The following ALG8 variants were observed in gnomAD, a reference collection of about 807,000 sequenced individuals.
ALG8 encodes the protein dolichyl pyrophosphate Glc1Man9GlcNAc2 alpha-1,3-glucosyltransferase.
In ALG8, 48 loss-of-function variants were observed where a neutral mutation model predicts 70.2. The ratio of observed to expected loss-of-function variants is 0.68; its 90% CI spans 0.54 to 0.87. The LOEUF (loss-of-function observed/expected upper bound fraction) is 0.87. ALG8 is among the 40% of genes least tolerant of loss of function. ALG8 has a pLI of 0.00. For synonymous variants in ALG8, 234 were observed against 229.0 expected, an observed-to-expected ratio of 1.02 and a Z score of -0.20; for missense variants, 572 against 608.7, an observed-to-expected ratio of 0.94 and a Z score of 0.64.
chr11:78,124,306 A>T (rs1860966844), intron 2 of ALG8, 92 bp from the exon 3 acceptor site: 2 of 1,314,960 alleles, frequency 1.5e-6, no homozygotes, highest in South Asian at 2.4e-5. Flanking sequence ...TCTGGTCTTT[A>T]AAACAGCACA....
intron 10 of ALG8, among the ~76,000 whole-genome samples, chr11:78,104,781 T>C (rs1182920854): frequency 2.6e-5 from 4 of 152,092 alleles, no homozygotes; most frequent in African/African-American, 9.7e-5. Flanking sequence ...CTGGCCAACA[T>C]GGTGAAACCC....
chr11:78,116,722 A>C (rs1218804747), intron 5 of ALG8, among the ~76,000 whole-genome samples: 2 of 151,912 alleles, frequency 1.3e-5, no homozygotes, highest in Non-Finnish European at 2.9e-5. Context: ...GTTGTCTTCA[A>C]AAAAAAAGAA....
chr11:78,128,405 C>T (rs1861170443), intron 1 of ALG8, among the ~76,000 whole-genome samples: 1 of 152,164 alleles, frequency 6.6e-6, no homozygotes, highest in African/African-American at 2.4e-5. Flanking sequence ...TTTTACACAA[C>T]CTTTCCACAA....
In ALG8 at chr11:78,128,758, G is replaced by A. The variant is rs374256524; in HGVS notation, c.96-1322C>T. Reference sequence around the variant, plus strand: ...CCCAAGTAGCTGGGACTACAGGTGCGCGGCACCACGCCTGGCTAATTTTTT... The same window carrying A: ...CCCAAGTAGCTGGGACTACAGGTGCACGGCACCACGCCTGGCTAATTTTTT... On this transcript the variant is annotated intron_variant, in intron 1 of 12. Transcript: ENST00000299626. 1.6e-4 allele frequency among the ~76,000 whole-genome samples: 25 copies of A among 151,900 alleles called. No homozygotes were observed. In the East Asian group the frequency reaches 4.5e-3, roughly 27 times the overall value.
At chr11:78,133,146 A>T (rs1482855944) in intron 1 of ALG8, among the ~76,000 whole-genome samples, 3 of 152,054 alleles carry the variant, frequency 2.0e-5, no homozygotes, top group Admixed American at 1.3e-4. Flanking sequence ...CTTCTTCCTA[A>T]TACTTAATCC....
At chr11:78,132,926 T>A (rs1230356603) in intron 1 of ALG8, among the ~76,000 whole-genome samples, 1 of 150,494 alleles carries the variant, frequency 6.6e-6, no homozygotes, top group Non-Finnish European at 1.5e-5. Flanking sequence ...AAGCTCCGCC[T>A]TCCGGGTTCA....
chr11:78,115,358 A>G (rs142709645), intron 5 of ALG8, among the ~76,000 whole-genome samples: 3 of 152,028 alleles, frequency 2.0e-5, no homozygotes, highest in East Asian at 1.9e-4. Context: ...TATAACCAGT[A>G]TAAGGAAAAC....
chr11:78,112,764 G>C lies in ALG8; in HGVS notation c.784C>G (p.Leu262Val). 6.2e-7 allele frequency: 1 copy of C among 1,613,606 alleles called. No homozygotes were observed. Among genetic ancestry groups the C allele is most frequent in the Middle Eastern group, 1.6e-4 (1 of 6,062 alleles). ...AAGAGTCGGGAAAAGACTTGAGGCA[G>C]CTGATTCTGTTGAAAAGAGAAATGA... ...SLGPFLALNQ[L>V]PQVFSRLFPF... Residue 262 changes from leucine (L) to valine (V), a missense_variant, in exon 8 of 13, where the codon CTG (leucine) becomes GTG (valine). Coordinates refer to ENST00000299626, the MANE Select transcript of ALG8 (RefSeq NM_024079.5).
intron 12 of ALG8, 110 bp from the exon 13 acceptor site, chr11:78,101,305 A>G: frequency 2.3e-6 from 2 of 887,418 alleles, no homozygotes; most frequent in Non-Finnish European, 3.6e-6. Flanking sequence ...CAATTATTAT[A>G]GCCAAGGCCA....
chr11:78,105,292 A>T (rs1859967549), intron 10 of ALG8, among the ~76,000 whole-genome samples: 1 of 152,230 alleles, frequency 6.6e-6, no homozygotes, highest in African/African-American at 2.4e-5. Flanking sequence ...ATTCAAGAAA[A>T]ATATAAAGAA....
chr11:78,121,021 C>T (rs771172816), intron 4 of ALG8, 44 bp downstream of exon 4: 13 of 1,451,992 alleles, frequency 9.0e-6, no homozygotes, highest in Non-Finnish European at 1.3e-5. Flanking sequence ...TATTAGTATA[C>T]ATCAGAATTA....
chr11:78,104,963 C>T (rs1294498775), intron 10 of ALG8, among the ~76,000 whole-genome samples: 4 of 104,222 alleles, frequency 3.8e-5, no homozygotes, highest in Non-Finnish European at 8.1e-5. Context: ...GACTCTGTCT[C>T]AAAAAAAAAA....
intron 9 of ALG8, among the ~76,000 whole-genome samples, 155 bp from the exon 10 acceptor site, chr11:78,107,101 C>T (rs1329424995): frequency 6.6e-6 from 1 of 151,398 alleles, no homozygotes; most frequent in African/African-American, 2.4e-5. Flanking sequence ...TGTGCACAGT[C>T]TAACAAAAGT....
intron 8 of ALG8, among the ~76,000 whole-genome samples, chr11:78,110,928 G>A (rs1007463434): frequency 8.5e-5 from 13 of 152,182 alleles, no homozygotes; most frequent in Admixed American, 7.2e-4. Context: ...ACATACAAGT[G>A]AGGGTACAGT....
At position 78,111,946 on chromosome 11, in the gene ALG8, TAC is replaced by T. The variant is rs1426263499; in HGVS notation, c.898+702_898+703del. 6.6e-5 allele frequency among the ~76,000 whole-genome samples: 10 copies of T among 152,272 alleles called. No homozygotes were observed. In the East Asian group the frequency reaches 1.9e-3, roughly 29 times the overall value. ...TGGTTTAATACCGAGAGTCACAACT[TAC>T]ATATTCTTCTTTCTTGTATGTTTAG... On this transcript the variant is annotated intron_variant, in intron 8 of 12. Transcript: ENST00000299626.
Position 78,119,261 on chromosome 11 carries a change from T to C in ALG8, c.479-12A>G. 6.2e-7 allele frequency: 1 copy of C among 1,602,062 alleles called. No individual in the cohort carries two copies. Among genetic ancestry groups the C allele is most frequent in the Non-Finnish European group, 8.6e-7 (1 of 1,169,500 alleles). On this transcript the variant is annotated splice_polypyrimidine_tract_variant and intron_variant, in intron 4 of 12. Transcript: ENST00000299626. ...CTGAAAATGAATATCTGGACTTAGG[T>C]CAAGGAAAGACAACAGAGGACACCA...
At chr11:78,138,950 C>T (rs1861675715) in intron 1 of ALG8, 1 of 364,212 alleles carries the variant, frequency 2.7e-6, no homozygotes, top group Non-Finnish European at 5.4e-6. Flanking sequence ...TTACTCTTTC[C>T]TATGCCTGAA....
chr11:78,133,082 G>A (rs660754), intron 1 of ALG8, among the ~76,000 whole-genome samples: 8 of 151,802 alleles, frequency 5.3e-5, no homozygotes, highest in Non-Finnish European at 1.0e-4. Flanking sequence ...TGATCCGCCC[G>A]CCTCGGCCTC....
rs763258107 is a variant in ALG8 at position 78,113,953 on chromosome 11, C to A, written c.710G>T (p.Arg237Leu). 1.2e-6 allele frequency: 2 copies of A among 1,604,678 alleles called. No individual in the cohort carries two copies. The highest frequency in any genetic ancestry group is 3.4e-5 in the Admixed American group (2 of 58,822). The change falls in exon 7 of 13, where the codon CGT (arginine) becomes CTT (leucine). Residue 237 changes from arginine (R) to leucine (L), a missense_variant. Physicochemically the swap from Arg to Leu is moderately radical, Grantham distance 102. Coordinates refer to ENST00000299626, the MANE Select transcript of ALG8 (RefSeq NM_024079.5). ...SIRWKSFSFVRVISLGLVVFL... is the reference protein window; with the variant it reads ...SIRWKSFSFVLVISLGLVVFL... ...AACAACCAGTCCCAGGGAAATAACACGAACAAAGCTGAAACTCTTCCATCG... is the reference window on the plus strand; with the variant it reads ...AACAACCAGTCCCAGGGAAATAACAAGAACAAAGCTGAAACTCTTCCATCG...
Sources: allele counts gnomAD v4.1 joint callset (sites outside exome capture counted in the v4.1 genomes callset), GRCh38; gene constraint gnomAD v4.1.1; transcripts MANE v1.5; gene names NCBI Gene and HGNC (gene_info 2026-07-23, HGNC 2026-07-21).